The following TMPRSS15 variants were observed in gnomAD, a reference collection of about 807,000 sequenced individuals.
TMPRSS15 encodes enteropeptidase.
In TMPRSS15, 128 loss-of-function variants were observed where a neutral mutation model predicts 125.3. The observed-to-expected ratio is 1.02, with a 90% CI of 0.89 to 1.18. TMPRSS15 has a LOEUF of 1.18. TMPRSS15 is among the 50% of genes most tolerant of loss of function. The probability of loss-of-function intolerance (pLI) is 0.00; values close to 1 mark genes in which losing one functional copy is unlikely to be tolerated. For missense variants in TMPRSS15, 1,283 were observed against 1,212.7 expected (o/e 1.06, Z -0.86); for synonymous variants, 446 against 423.2 (o/e 1.05, Z -0.66).
chr21:18,322,934 T>A (rs2075253815), intron 16 of TMPRSS15, among the ~76,000 whole-genome samples: 1 of 152,214 alleles, frequency 6.6e-6, no homozygotes, highest in Admixed American at 6.5e-5. Context: ...TATTTCGGTT[T>A]CCCAGATTCG....
intron 1 of TMPRSS15, among the ~76,000 whole-genome samples, chr21:18,429,134 C>T (rs2076210812): frequency 6.6e-6 from 1 of 152,160 alleles, no homozygotes; most frequent in Admixed American, 6.5e-5. Context: ...GGATTTCAGA[C>T]TAGCATGGGC....
At chr21:18,295,433 A>G (rs1054024061) in intron 19 of TMPRSS15, among the ~76,000 whole-genome samples, 3 of 152,242 alleles carry the variant, frequency 2.0e-5, no homozygotes, top group African/African-American at 7.2e-5. Flanking sequence ...TATCGGCTAC[A>G]TTAAAACACA....
rs113053492 is a variant in TMPRSS15 at position 18,273,295 on chromosome 21, T to C, written c.2904+1902A>G. Among the ~76,000 whole-genome samples the C allele has an allele frequency of 5.3e-3, 806 of 152,276 alleles. 9 individuals carry two copies. The highest frequency in any genetic ancestry group is 0.018 in the African/African-American group (764 of 41,564). ...CCACTGTAAGGCTAAAAAATGATGCTTCAAAGAACTTAAATAATGTATCAG... is the reference window on the plus strand; with the variant it reads ...CCACTGTAAGGCTAAAAAATGATGCCTCAAAGAACTTAAATAATGTATCAG... On this transcript the variant is annotated intron_variant, in intron 24 of 24. Coordinates refer to ENST00000284885, the MANE Select transcript of TMPRSS15 (RefSeq NM_002772.3).
At chr21:18,403,439 G>A in intron 1 of TMPRSS15, 39 bp downstream of exon 1, 1 of 1,613,782 alleles carries the variant, frequency 6.2e-7, no homozygotes, top group South Asian at 1.1e-5. Flanking sequence ...TGTACATTCA[G>A]CTGAGAGCAC....
chr21:18,478,181 G>T (rs556775163), intron 1 of TMPRSS15, among the ~76,000 whole-genome samples: 2 of 152,082 alleles, frequency 1.3e-5, no homozygotes, highest in Admixed American at 1.3e-4. Context: ...AACTAGAAAC[G>T]TTAAAGCAGC....
At chr21:18,453,132 A>T (rs911903923) in intron 1 of TMPRSS15, among the ~76,000 whole-genome samples, 1 of 152,206 alleles carries the variant, frequency 6.6e-6, no homozygotes, top group African/African-American at 2.4e-5. Context: ...TTGCAATGTC[A>T]CATGTCAATC....
At chr21:18,445,229 G>C (rs1020767397) in intron 1 of TMPRSS15, among the ~76,000 whole-genome samples, 2 of 145,454 alleles carry the variant, frequency 1.4e-5, no homozygotes, top group Non-Finnish European at 3.0e-5. Context: ...TTTTGAGACA[G>C]AGTTGAGCTT....
At chr21:18,411,871 G>A (rs992161823) in intron 1 of TMPRSS15, among the ~76,000 whole-genome samples, 5 of 152,058 alleles carry the variant, frequency 3.3e-5, no homozygotes, top group Non-Finnish European at 5.9e-5. Context: ...CTCTTCTGAA[G>A]GGAAGAACTC....
At chr21:18,275,087 GA>G in intron 24 of TMPRSS15, 109 bp downstream of exon 24, 1 of 1,424,070 alleles carries the variant, frequency 7.0e-7, no homozygotes, top group Non-Finnish European at 9.8e-7. Context: ...TTTTGTAAAA[GA>G]GAAATGAAAG....
At chr21:18,432,820 T>C (rs1357891716) in intron 1 of TMPRSS15, among the ~76,000 whole-genome samples, 1 of 152,162 alleles carries the variant, frequency 6.6e-6, no homozygotes, top group Non-Finnish European at 1.5e-5. Context: ...AGGAAACTGA[T>C]TGATGTCATG....
At chr21:18,334,445 G>A (rs2824745) in intron 13 of TMPRSS15, among the ~76,000 whole-genome samples, 36,186 of 152,070 alleles carry the variant, frequency 0.24, 5,044 homozygotes, top group East Asian at 0.32. Flanking sequence ...ATGTATAAGA[G>A]GAGGATTTGT....
At chr21:18,332,062 A>C (rs762911267) in intron 14 of TMPRSS15, 22 bp downstream of exon 14, 1 of 1,596,072 alleles carries the variant, frequency 6.3e-7, no homozygotes, top group Non-Finnish European at 8.6e-7. Flanking sequence ...GTTTCTGATG[A>C]CCTGGAAAAG....
In TMPRSS15 at chr21:18,343,583, C is replaced by G. The variant is rs551443895; in HGVS notation, c.1351G>C (p.Val451Leu). 3 of 1,612,880 alleles carry G rather than the reference C, an allele frequency of 1.9e-6. No homozygotes were observed. In the South Asian group the frequency reaches 3.3e-5, roughly 18 times the overall value. Residue 451 changes from valine (V) to leucine (L), a missense_variant, in exon 12 of 25, where the codon GTT becomes CTT. Coordinates refer to ENST00000284885, the MANE Select transcript of TMPRSS15 (RefSeq NM_002772.3). The part of the protein sequence containing the change: ...ISNDQNMEKT[V>L]FQKEGNYGDN... ...CCATAATTTCCTTCCTTTTGGAAAA[C>G]TGTCTTCTCCATATTTTGGTCATTG...
intron 18 of TMPRSS15, among the ~76,000 whole-genome samples, chr21:18,300,273 C>CTTCTTTCTCTCTCTCT (rs998546077): frequency 6.4e-5 from 9 of 141,688 alleles, no homozygotes; most frequent in African/African-American, 1.8e-4. Flanking sequence ...TTCTTTCTCT[C>CTTCTTTCTCTCTCTCT]TTCTTTCTCT....
chr21:18,463,035 A>AT (rs756974596), intron 1 of TMPRSS15, among the ~76,000 whole-genome samples: 2 of 151,810 alleles, frequency 1.3e-5, no homozygotes, highest in Non-Finnish European at 2.9e-5. Context: ...CTCTCACATA[A>AT]TTTTTTAACA....
chr21:18,284,420 A>G (rs188635805), intron 21 of TMPRSS15, among the ~76,000 whole-genome samples: 105 of 152,360 alleles, frequency 6.9e-4, no homozygotes, highest in Non-Finnish European at 1.1e-3. Flanking sequence ...TAATTTGGAA[A>G]GTTGGAGTGG....
intron 1 of TMPRSS15, among the ~76,000 whole-genome samples, chr21:18,436,916 T>A (rs1409335037): frequency 1.2e-5 from 1 of 86,462 alleles, no homozygotes; most frequent in African/African-American, 4.5e-5. Flanking sequence ...AATTTATAGA[T>A]TCAATGCCAT....
chr21:18,329,505 C>T (rs924843497), intron 14 of TMPRSS15, among the ~76,000 whole-genome samples: 1 of 150,102 alleles, frequency 6.7e-6, no homozygotes, highest in African/African-American at 2.5e-5. Context: ...TTTATAGTAA[C>T]ATTTCAATTA....
chr21:18,425,491 T>C (rs1029761572), intron 1 of TMPRSS15, among the ~76,000 whole-genome samples: 1 of 152,112 alleles, frequency 6.6e-6, no homozygotes, highest in African/African-American at 2.4e-5. Context: ...AAAAGACTTC[T>C]GTCGGTCAAT....
Sources: allele counts gnomAD v4.1 joint callset (sites outside exome capture counted in the v4.1 genomes callset), GRCh38; gene constraint gnomAD v4.1.1; transcripts MANE v1.5; gene names NCBI Gene and HGNC (gene_info 2026-07-23, HGNC 2026-07-21).